Variants in EPS8L2 observed in about 807,000 individuals in gnomAD.
EPS8L2 encodes the protein epidermal growth factor receptor kinase substrate 8-like protein 2.
Under a neutral mutation model 99.4 loss-of-function variants are expected in EPS8L2, and 81 were observed. That is an observed-to-expected ratio of 0.82 (90% CI 0.68 to 0.98). The LOEUF (loss-of-function observed/expected upper bound fraction) is 0.98, where lower values mean the gene tolerates loss of function less well. EPS8L2 is among the 50% of genes least tolerant of loss of function. The pLI, the probability that EPS8L2 is intolerant of heterozygous loss-of-function variation, is 0.00. For missense variants in EPS8L2, 1,155 were observed against 968.8 expected (o/e 1.19, Z -2.55); for synonymous variants, 509 against 407.3 (o/e 1.25, Z -3.01).
Position 725,508 on chromosome 11 carries a change from C to G in EPS8L2, c.1561-220C>G, listed in dbSNP as rs576362960. On this transcript the variant is annotated intron_variant, in intron 16 of 20. Coordinates refer to ENST00000318562, the MANE Select transcript of EPS8L2 (RefSeq NM_022772.4). ...CCTGGGCGGCAGAGTGAGACCCTGT[C>G]TCCGAGAAAAAAAGGGTCCCCCAGA... 1.7e-4 allele frequency among the ~76,000 whole-genome samples: 26 copies of G among 152,150 alleles called. 1 individual carries two copies. Among genetic ancestry groups the G allele is most frequent in the African/African-American group, 6.3e-4 (26 of 41,532 alleles).
chr11:711,251 TGC>T (rs1861881441), intron 4 of EPS8L2, among the ~76,000 whole-genome samples: 1 of 143,612 alleles, frequency 7.0e-6, no homozygotes, highest in African/African-American at 2.7e-5. Context: ...TGTGCGTGTG[TGC>T]GTGTGTGCGT....
At chr11:725,918 G>T in intron 17 of EPS8L2, 71 bp downstream of exon 17, 12 of 1,375,616 alleles carry the variant, frequency 8.7e-6, no homozygotes, top group Non-Finnish European at 1.1e-5. Context: ...GCCTAGCCCC[G>T]CCCCAAGGCC....
chr11:709,746 G>T, intron 3 of EPS8L2, 138 bp downstream of exon 3: 1 of 984,074 alleles, frequency 1.0e-6, no homozygotes, highest in Non-Finnish European at 1.5e-6. Flanking sequence ...GAGGCCTCTG[G>T]ACCCTAATCA....
rs1862266312 is a variant in EPS8L2 at position 724,537 on chromosome 11, A to G, written c.1455-187A>G. 1.7e-6 allele frequency: 1 copy of G among 598,178 alleles called. No individual in the cohort carries two copies. The highest frequency in any genetic ancestry group is 3.0e-6 in the Non-Finnish European group (1 of 335,128). 37.1% of individuals were successfully genotyped at this position (598,178 alleles called of 1,614,324 possible). ...TGCCCCGCCTCCACGCAGGGCCCCA[A>G]AGCTCTGGGGCTGTCACAGTTTCCA... is the stretch of plus-strand genomic sequence containing the variant. On this transcript the variant is annotated intron_variant, in intron 15 of 20. Coordinates refer to ENST00000318562, the MANE Select transcript of EPS8L2 (RefSeq NM_022772.4). The surrounding 1 kb of genome is among the most constrained non-coding windows in gnomAD (Gnocchi z 5.5).
rs566567071 is a variant in EPS8L2 at position 714,378 on chromosome 11, C to T, written c.165+3892C>T. On this transcript the variant is annotated intron_variant, in intron 4 of 20. Transcript: ENST00000318562. The stretch of plus-strand genomic sequence containing the variant: ...CTGAGTATCTGGGATTACAGGAATC[C>T]ATCACCATGCCCGGCTCATTTTTTG... Among the ~76,000 whole-genome samples the T allele has an allele frequency of 4.6e-5, 7 of 151,648 alleles. No individual in the cohort carries two copies. In the East Asian group the frequency reaches 1.4e-3, roughly 29 times the overall value.
At chr11:714,032 C>T (rs1248350307) in intron 4 of EPS8L2, among the ~76,000 whole-genome samples, 1 of 152,098 alleles carries the variant, frequency 6.6e-6, no homozygotes, top group African/African-American at 2.4e-5. Context: ...CGTCCGGCCT[C>T]CATCATTGTG....
intron 4 of EPS8L2, 114 bp from the exon 5 acceptor site, chr11:719,948 C>A: frequency 9.7e-7 from 1 of 1,036,086 alleles, no homozygotes; most frequent in Non-Finnish European, 1.4e-6. Context: ...CCCGTTCTAG[C>A]CCCCTACCCA....
intron 5 of EPS8L2, 168 bp from the exon 6 acceptor site, chr11:720,429 T>TG: frequency 6.6e-6 from 8 of 1,208,614 alleles, no homozygotes; most frequent in Non-Finnish European, 9.2e-6. Flanking sequence ...GGGTCAGCCT[T>TG]GCGGTACAGC....
At chr11:713,905 C>T (rs965893303) in intron 4 of EPS8L2, among the ~76,000 whole-genome samples, 12 of 151,986 alleles carry the variant, frequency 7.9e-5, no homozygotes, top group East Asian at 1.9e-4. Context: ...TGGTCCCCAA[C>T]GCCTGACCTC....
intron 7 of EPS8L2, 49 bp downstream of exon 7, chr11:720,958 CCCG>C: frequency 2.0e-6 from 2 of 1,015,864 alleles, no homozygotes; most frequent in Non-Finnish European, 2.7e-6. Context: ...AGGGGAGGAG[CCCG>C]GCAGGGGAGG....
In EPS8L2 at chr11:720,847, G is replaced by C; in HGVS notation, c.495G>C (p.Glu165Asp). 1.3e-6 allele frequency: 2 copies of C among 1,540,228 alleles called. No homozygotes were observed. Among genetic ancestry groups the C allele is most frequent in the Non-Finnish European group, 1.7e-6 (2 of 1,146,054 alleles). ...TTTCCCAGGCAGAGCTGGTGCACGA[G>C]GACATCGAGAGCGCGTTGGCCGACT... Reference protein sequence around the residue: ...CDEVEAELVHEDIESALADCR... With the variant: ...CDEVEAELVHDDIESALADCR... Residue 165 changes from glutamate to aspartate, a missense_variant, in exon 7 of 21, where the codon GAG (glutamate) becomes GAC (aspartate). Transcript: ENST00000318562.
intron 16 of EPS8L2, 78 bp from the exon 17 acceptor site, chr11:725,650 T>C: frequency 7.9e-7 from 1 of 1,259,282 alleles, no homozygotes; most frequent in South Asian, 3.1e-5. Context: ...GCTCCCGACC[T>C]CTGTAAAGCG....
chr11:721,728 G>A lies in EPS8L2; in HGVS notation c.895+37G>A, dbSNP rs367590886. 1.3e-4 allele frequency: 170 copies of A among 1,284,282 alleles called. 2 individuals carry two copies. The South Asian group carries it at 1.8e-3, about 14-fold the overall frequency. 79.6% of individuals were successfully genotyped at this position (1,284,282 alleles called of 1,614,324 possible). On this transcript the variant is annotated intron_variant, in intron 10 of 20. Coordinates refer to ENST00000318562, the MANE Select transcript of EPS8L2 (RefSeq NM_022772.4). ...AGGGACGGGGCCGGCAGGTGCAGGGGACGGGGCCAGCAGGTGCAGGGGACA... is the reference window on the plus strand; with the variant it reads ...AGGGACGGGGCCGGCAGGTGCAGGGAACGGGGCCAGCAGGTGCAGGGGACA...
In EPS8L2 at chr11:724,025, A is replaced by G. The variant is rs1034470273; in HGVS notation, c.1454+672A>G. On this transcript the variant is annotated intron_variant, in intron 15 of 20. Coordinates refer to ENST00000318562, the MANE Select transcript of EPS8L2 (RefSeq NM_022772.4). This position sits in a 1 kb window ranked among gnomAD's most constrained non-coding sequence, Gnocchi z 5.5. ...GGTCCCTGGCCTAGGACCACACTTAAAAACATTTCCACCCTTTGACTTCAG... is the reference window on the plus strand; with the variant it reads ...GGTCCCTGGCCTAGGACCACACTTAGAAACATTTCCACCCTTTGACTTCAG... Among the ~76,000 whole-genome samples the G allele has an allele frequency of 6.6e-6, 1 of 152,090 alleles. No homozygotes were observed. The highest frequency in any genetic ancestry group is 1.5e-5 in the Non-Finnish European group (1 of 68,006).
intron 7 of EPS8L2, 56 bp from the exon 8 acceptor site, chr11:721,008 G>GGAGGGGAGGAGCCGGC (rs1862156586): frequency 4.7e-6 from 7 of 1,491,362 alleles, no homozygotes; most frequent in African/African-American, 2.8e-5. Flanking sequence ...GCCCGGCAGG[G>GGAGGGGAGGAGCCGGC]AGGGAGGGTC....
At chr11:711,205 C>T (rs1050919965) in intron 4 of EPS8L2, among the ~76,000 whole-genome samples, 8 of 152,012 alleles carry the variant, frequency 5.3e-5, no homozygotes, top group African/African-American at 1.9e-4. Context: ...TTCATTGACA[C>T]GGAGAACTCA....
intron 4 of EPS8L2, among the ~76,000 whole-genome samples, chr11:715,721 C>G (rs1303164228): frequency 7.0e-6 from 1 of 143,854 alleles, no homozygotes; most frequent in East Asian, 2.2e-4. Context: ...CCTGGGTTCA[C>G]GCCATTCTCC....
Position 723,356 on chromosome 11 carries a change from A to G in EPS8L2, c.1454+3A>G. ...GTCAGCTCCCCACATACTCACAGGT[A>G]AGCCCCCCTCAAAGTGAGGGAGCAT... On this transcript the variant is annotated splice_donor_region_variant and intron_variant, in intron 15 of 20. Coordinates refer to ENST00000318562, the MANE Select transcript of EPS8L2 (RefSeq NM_022772.4). 7.2e-7 allele frequency: 1 copy of G among 1,383,388 alleles called. No homozygotes were observed. The highest frequency in any genetic ancestry group is 1.5e-5 in the African/African-American group (1 of 68,520). 85.7% of individuals were successfully genotyped at this position (1,383,388 alleles called of 1,614,324 possible). A position where few individuals can be genotyped will look rare whatever the true frequency, so the allele number is the denominator to read the frequency against.
chr11:720,812 T>C lies in EPS8L2; in HGVS notation c.478-18T>C, dbSNP rs767466392. ...GCCGCGCCCCGCCCTCCTGGCCGCC[T>C]GACGCCCGCTTTCCCAGGCAGAGCT... On this transcript the variant is annotated intron_variant, in intron 6 of 20. Transcript: ENST00000318562. The C allele has an allele frequency of 9.7e-6, 15 of 1,543,394 alleles. No homozygotes were observed. The highest frequency in any genetic ancestry group is 2.6e-6 in the Non-Finnish European group (3 of 1,145,676).
Sources: allele counts gnomAD v4.1 joint callset (sites outside exome capture counted in the v4.1 genomes callset), GRCh38; gene constraint gnomAD v4.1.1; non-coding constraint Gnocchi (gnomAD v3.1); transcripts MANE v1.5; gene names NCBI Gene and HGNC (gene_info 2026-07-23, HGNC 2026-07-21).